The following AKAP6 variants were observed in gnomAD, a reference collection of about 807,000 sequenced individuals.
The protein encoded by AKAP6 is A-kinase anchoring protein 6.
AKAP6 carries 58 observed loss-of-function variants against 188.5 expected under a neutral mutation model. The ratio of observed to expected loss-of-function variants is 0.31; its 90% CI spans 0.25 to 0.38. AKAP6 has a LOEUF of 0.38. Among genes scored for constraint, AKAP6 ranks in the 10% least tolerant of loss-of-function variants. The pLI is 1.00. For missense variants in AKAP6, 2,710 were observed against 2,740.0 expected (o/e 0.99, Z 0.24); for synonymous variants, 989 against 998.6 (o/e 0.99, Z 0.18).
At chr14:32,365,472 T>C (rs1348083717) in intron 1 of AKAP6, among the ~76,000 whole-genome samples, 1 of 152,150 alleles carries the variant, frequency 6.6e-6, no homozygotes, top group African/African-American at 2.4e-5. Flanking sequence ...CCATATAATG[T>C]GTGCTTTGGG....
chr14:32,535,948 G>A, intron 3 of AKAP6, 143 bp downstream of exon 3: 1 of 1,259,752 alleles, frequency 7.9e-7, no homozygotes, highest in Non-Finnish European at 1.1e-6. Context: ...ATAGTGACTA[G>A]AAGCTAGGGC....
At chr14:32,789,838 C>T (rs191757900) in intron 12 of AKAP6, among the ~76,000 whole-genome samples, 10 of 152,316 alleles carry the variant, frequency 6.6e-5, no homozygotes, top group Admixed American at 5.9e-4. Flanking sequence ...CAACACCTCT[C>T]CAGCAAGGGC....
intron 2 of AKAP6, among the ~76,000 whole-genome samples, chr14:32,528,595 A>G (rs1414356803): frequency 6.6e-6 from 1 of 152,174 alleles, no homozygotes; most frequent in Non-Finnish European, 1.5e-5. Flanking sequence ...TAAATCTTGA[A>G]GTTGGGTAAT....
At chr14:32,440,737 A>T (rs1890546002) in intron 2 of AKAP6, among the ~76,000 whole-genome samples, 1 of 152,222 alleles carries the variant, frequency 6.6e-6, no homozygotes, top group Non-Finnish European at 1.5e-5. Flanking sequence ...CAGCAACCCC[A>T]AAAGCATATC....
chr14:32,586,347 G>A (rs901965927), intron 5 of AKAP6, among the ~76,000 whole-genome samples: 1 of 152,114 alleles, frequency 6.6e-6, no homozygotes, highest in African/African-American at 2.4e-5. Flanking sequence ...TTAGAAACAG[G>A]CTGGCCATGG....
At chr14:32,825,270 G>C (rs540755154) in intron 13 of AKAP6, among the ~76,000 whole-genome samples, 3 of 152,200 alleles carry the variant, frequency 2.0e-5, no homozygotes, top group African/African-American at 7.2e-5. Flanking sequence ...CTCCTGATTT[G>C]GCCCTTCCTT....
rs905090239 is a variant in AKAP6 at position 32,568,479 on chromosome 14, A to G, written c.2347-8641A>G. ...ATAATACTAGATATGAAAAACCTAC[A>G]ATTAAACCATTAAACTATCATAATC... On this transcript the variant is annotated intron_variant, in intron 4 of 13. Transcript: ENST00000280979. The surrounding 1 kb of genome is among the most constrained non-coding windows in gnomAD (Gnocchi z 6.2). Among the ~76,000 whole-genome samples the G allele has an allele frequency of 5.3e-5, 8 of 152,146 alleles. No individual in the cohort carries two copies. The highest frequency in any genetic ancestry group is 4.1e-4 in the South Asian group (2 of 4,822).
At chr14:32,400,574 A>AAAAAAAAAAAAAAAAAAAAAAAAAT (rs1889053041) in intron 1 of AKAP6, among the ~76,000 whole-genome samples, 1 of 149,460 alleles carries the variant, frequency 6.7e-6, no homozygotes, top group Non-Finnish European at 1.5e-5. Flanking sequence ...AAAAAAAAAA[A>AAAAAAAAAAAAAAAAAAAAAAAAAT]AAAAAGACAG....
intron 2 of AKAP6, among the ~76,000 whole-genome samples, chr14:32,457,695 G>A (rs4329831): frequency 0.63 from 96,425 of 152,036 alleles, 32,844 homozygotes; most frequent in African/African-American, 0.9. Flanking sequence ...CTACACAGAC[G>A]GTGCCTGGTC....
intron 10 of AKAP6, chr14:32,734,112 C>T (rs568836068): frequency 7.9e-5 from 12 of 152,150 alleles, no homozygotes; most frequent in East Asian, 5.8e-4. Flanking sequence ...CATTCAAATA[C>T]AACATGCAGG....
At chr14:32,520,736 C>T (rs991447224) in intron 2 of AKAP6, among the ~76,000 whole-genome samples, 4 of 152,106 alleles carry the variant, frequency 2.6e-5, no homozygotes, top group Non-Finnish European at 1.5e-5. Context: ...TAGGACCAGA[C>T]GCGTTCATAG....
intron 2 of AKAP6, among the ~76,000 whole-genome samples, chr14:32,497,894 T>C (rs1264566764): frequency 6.6e-6 from 1 of 152,114 alleles, no homozygotes; most frequent in East Asian, 1.9e-4. Context: ...AAATGATCCT[T>C]TTTATCCTTG....
At chr14:32,453,036 G>A (rs1483185612) in intron 2 of AKAP6, among the ~76,000 whole-genome samples, 1 of 152,168 alleles carries the variant, frequency 6.6e-6, no homozygotes, top group Non-Finnish European at 1.5e-5. Flanking sequence ...AATAAGGAAT[G>A]GTGGTAACAT....
At chr14:32,811,936 T>C in intron 12 of AKAP6, among the ~76,000 whole-genome samples, 1 of 152,326 alleles carries the variant, frequency 6.6e-6, no homozygotes, top group African/African-American at 2.4e-5. Flanking sequence ...ACTTCACTTG[T>C]TTACATGACT....
intron 2 of AKAP6, among the ~76,000 whole-genome samples, chr14:32,454,607 G>T (rs1456392169): frequency 1.3e-5 from 2 of 150,968 alleles, no homozygotes; most frequent in African/African-American, 4.9e-5. Flanking sequence ...ATAAATTACA[G>T]TGAAAACTTG....
chr14:32,451,572 C>T (rs927318441), intron 2 of AKAP6, among the ~76,000 whole-genome samples: 2 of 152,210 alleles, frequency 1.3e-5, no homozygotes, highest in Admixed American at 6.5e-5. Flanking sequence ...ATAAAGCTGT[C>T]GTTGACTAAT....
At chr14:32,703,736 T>C (rs1263367836) in intron 9 of AKAP6, among the ~76,000 whole-genome samples, 1 of 152,186 alleles carries the variant, frequency 6.6e-6, no homozygotes, top group East Asian at 1.9e-4. Context: ...TACTAAGAAC[T>C]CTGAGTTCAA....
intron 1 of AKAP6, among the ~76,000 whole-genome samples, chr14:32,416,120 T>C (rs1889648816): frequency 1.3e-5 from 2 of 152,216 alleles, no homozygotes; most frequent in Non-Finnish European, 2.9e-5. Flanking sequence ...GGAACTGCCA[T>C]ACTGTTTTCT....
intron 7 of AKAP6, among the ~76,000 whole-genome samples, chr14:32,602,505 G>GA (rs1269110253): frequency 2.0e-5 from 3 of 151,908 alleles, no homozygotes; most frequent in African/African-American, 7.3e-5. Flanking sequence ...TAAAAAACAA[G>GA]TCAAAAATCT....
Sources: allele counts gnomAD v4.1 joint callset (sites outside exome capture counted in the v4.1 genomes callset), GRCh38; gene constraint gnomAD v4.1.1; non-coding constraint Gnocchi (gnomAD v3.1); transcripts MANE v1.5; gene names NCBI Gene and HGNC (gene_info 2026-07-23, HGNC 2026-07-21).